Variants in CEP126 observed in about 807,000 individuals in gnomAD.
CEP126 encodes centrosomal protein 126.
Under a neutral mutation model 107.8 loss-of-function variants are expected in CEP126, and 74 were observed. The observed-to-expected ratio is 0.69, with a 90% confidence interval of 0.57 to 0.83. The LOEUF (loss-of-function observed/expected upper bound fraction) is 0.83. CEP126 is among the 40% of genes least tolerant of loss of function. The probability of loss-of-function intolerance (pLI) is 0.00; values close to 1 mark genes in which losing one functional copy is unlikely to be tolerated. For synonymous variants in CEP126, 449 were observed against 446.0 expected, an observed-to-expected ratio of 1.01 and a Z score of -0.08; for missense variants, 1,237 against 1,281.9, an observed-to-expected ratio of 0.96 and a Z score of 0.53.
At chr11:101,967,786 T>G (rs1350392633) in intron 6 of CEP126, among the ~76,000 whole-genome samples, 2 of 152,198 alleles carry the variant, frequency 1.3e-5, no homozygotes, top group East Asian at 3.8e-4. Context: ...AATGGATACA[T>G]CTGTGGGTAA....
chr11:101,976,230 C>T lies in CEP126; in HGVS notation c.2846-2117C>T, dbSNP rs187994224. Among the ~76,000 whole-genome samples, 568 of 152,298 alleles carry T rather than the reference C, an allele frequency of 3.7e-3. 4 individuals carry two copies. The highest frequency in any genetic ancestry group is 0.013 in the African/African-American group (539 of 41,570). On this transcript the variant is annotated intron_variant, in intron 6 of 10. Coordinates refer to ENST00000263468, the MANE Select transcript of CEP126 (RefSeq NM_020802.4). ...TTAAGTATTCCCTTTTCTTTACAAC[C>T]TCACCAGCATGTTAATTTTTGGCTT...
At chr11:101,939,383 AAT>A (rs1940635795) in intron 2 of CEP126, among the ~76,000 whole-genome samples, 1 of 152,222 alleles carries the variant, frequency 6.6e-6, no homozygotes, top group Admixed American at 6.5e-5. Context: ...ATAACACTCT[AAT>A]AAATTTGTCT....
chr11:101,958,023 C>A, intron 4 of CEP126, 145 bp from the exon 5 acceptor site: 1 of 690,272 alleles, frequency 1.4e-6, no homozygotes, highest in South Asian at 2.2e-5. Context: ...CTCATTCTAA[C>A]ATGTCTATAT....
At chr11:101,974,139 AAC>A (rs112064654) in intron 6 of CEP126, among the ~76,000 whole-genome samples, 18 of 145,548 alleles carry the variant, frequency 1.2e-4, no homozygotes, top group East Asian at 4.1e-4. Context: ...TTCTTTGTTA[AAC>A]ACACACACAC....
Position 101,955,505 on chromosome 11 carries a change from C to G in CEP126, c.507-2663C>G, listed in dbSNP as rs960294195. Among the ~76,000 whole-genome samples, 8 of 152,112 alleles carry G rather than the reference C, an allele frequency of 5.3e-5. 1 individual carries two copies. Among genetic ancestry groups the G allele is most frequent in the African/African-American group, 1.9e-4 (8 of 41,396 alleles). Reference sequence around the variant, plus strand: ...TTGCCCTTTGAACTCATGCTTTAAACCAGATTGTCCAGCCCATATTCCTGT... The same window carrying G: ...TTGCCCTTTGAACTCATGCTTTAAAGCAGATTGTCCAGCCCATATTCCTGT... On this transcript the variant is annotated intron_variant, in intron 4 of 10. Transcript: ENST00000263468.
In CEP126 at chr11:101,962,114, C is replaced by A; in HGVS notation, c.1079C>A (p.Ala360Asp). 2 of 1,611,698 alleles carry A rather than the reference C, an allele frequency of 1.2e-6. No homozygotes were observed. Among genetic ancestry groups the A allele is most frequent in the Non-Finnish European group, 1.7e-6 (2 of 1,179,218 alleles). Reference protein sequence around the residue: ...PSPLNGTVERATNTANNSVPF... With the variant: ...PSPLNGTVERDTNTANNSVPF... ...CCTTTGAATGGAACAGTGGAAAGAG[C>A]CACAAATACTGCTAATAATTCAGTA... Residue 360 changes from alanine to aspartate, a missense_variant, in exon 6 of 11, where the codon GCC becomes GAC. Ala to Asp is a moderately radical substitution (Grantham distance 126). Coordinates refer to ENST00000263468, the MANE Select transcript of CEP126 (RefSeq NM_020802.4).
chr11:101,923,423 G>A (rs1053513689), intron 2 of CEP126, among the ~76,000 whole-genome samples: 1 of 152,120 alleles, frequency 6.6e-6, no homozygotes, highest in Non-Finnish European at 1.5e-5. Flanking sequence ...AGACAGAGCA[G>A]TTATGCCATT....
intron 10 of CEP126, among the ~76,000 whole-genome samples, chr11:101,995,013 A>C (rs573338933): frequency 1.3e-5 from 2 of 151,914 alleles, no homozygotes; most frequent in South Asian, 2.1e-4. Context: ...CCCTAATGCT[A>C]TCTCTCCCCT....
intron 10 of CEP126, among the ~76,000 whole-genome samples, chr11:101,995,754 A>G (rs1446637724): frequency 1.3e-5 from 2 of 152,242 alleles, no homozygotes; most frequent in Non-Finnish European, 2.9e-5. Context: ...TAAATGTTGA[A>G]TTAACTATTA....
intron 6 of CEP126, among the ~76,000 whole-genome samples, chr11:101,964,668 G>A (rs149216730): frequency 9.2e-5 from 14 of 151,672 alleles, no homozygotes; most frequent in East Asian, 3.9e-4. Flanking sequence ...ACATTGTGAC[G>A]TTAGTAGCTG....
At chr11:101,989,703 T>C (rs1429659353) in intron 9 of CEP126, among the ~76,000 whole-genome samples, 1 of 152,166 alleles carries the variant, frequency 6.6e-6, no homozygotes, top group Non-Finnish European at 1.5e-5. Flanking sequence ...CTCACGCCTG[T>C]AATCCCAGCA....
In CEP126 at chr11:101,998,005, G is replaced by A. The variant is rs2137141190; in HGVS notation, c.*362G>A. 1 of 176,620 alleles carries A rather than the reference G, an allele frequency of 5.7e-6. No homozygotes were observed. The highest frequency in any genetic ancestry group is 1.9e-4 in the South Asian group (1 of 5,342). 10.9% of individuals were successfully genotyped at this position (176,620 alleles called of 1,614,324 possible). Reference sequence around the variant, plus strand: ...TTATAGATTTCATGTTGAAATATATGTTAAATAAAATTTCTGTTTATTGAA... The same window carrying A: ...TTATAGATTTCATGTTGAAATATATATTAAATAAAATTTCTGTTTATTGAA... On this transcript the variant is annotated 3_prime_UTR_variant, in exon 11 of 11. Transcript: ENST00000263468.
intron 8 of CEP126, 61 bp downstream of exon 8, chr11:101,982,025 T>A: frequency 1.1e-6 from 1 of 897,874 alleles, no homozygotes; most frequent in Non-Finnish European, 1.8e-6. Context: ...TTTTCTTGTA[T>A]GCCTATTCTC....
At chr11:101,958,140 C>T in intron 4 of CEP126, 28 bp from the exon 5 acceptor site, 1 of 1,595,068 alleles carries the variant, frequency 6.3e-7, no homozygotes, top group Non-Finnish European at 8.6e-7. Context: ...TTTAAATGTA[C>T]TAAGCACTTT....
At chr11:101,925,073 C>G (rs1040710934) in intron 2 of CEP126, among the ~76,000 whole-genome samples, 9 of 152,126 alleles carry the variant, frequency 5.9e-5, no homozygotes, top group African/African-American at 9.7e-5. Context: ...TTTCCGGCTC[C>G]AGTAGATGCT....
intron 6 of CEP126, among the ~76,000 whole-genome samples, chr11:101,971,422 G>C (rs1478540127): frequency 6.6e-6 from 1 of 152,316 alleles, no homozygotes; most frequent in East Asian, 1.9e-4. Flanking sequence ...GCAAGCTTCA[G>C]AATCATCCTG....
intron 4 of CEP126, 69 bp from the exon 5 acceptor site, chr11:101,958,097 CAT>C: frequency 7.9e-7 from 1 of 1,270,272 alleles, no homozygotes; most frequent in Non-Finnish European, 1.1e-6. Flanking sequence ...CCTAATGTGT[CAT>C]GTATATACAT....
intron 2 of CEP126, among the ~76,000 whole-genome samples, chr11:101,929,648 A>G (rs1290408922): frequency 6.6e-6 from 1 of 152,190 alleles, no homozygotes; most frequent in African/African-American, 2.4e-5. Flanking sequence ...CCTGCTGGGT[A>G]GGTGAAAATC....
chr11:101,956,334 C>A, intron 4 of CEP126: 1 of 456,308 alleles, frequency 2.2e-6, no homozygotes, highest in Non-Finnish European at 4.4e-6. Flanking sequence ...TCCAGTCACC[C>A]CCCTTATCCA....
Sources: gnomAD v4.1 joint callset for allele counts (sites outside exome capture counted in the v4.1 genomes callset) on GRCh38, gnomAD v4.1.1 for gene constraint, MANE v1.5 for transcripts, NCBI Gene and HGNC (gene_info 2026-07-23, HGNC 2026-07-21) for gene names.